C8orf88: variants seen among roughly 807,000 people sequenced by gnomAD.
C8orf88 encodes chromosome 8 open reading frame 88.
Under a neutral mutation model 18.4 loss-of-function variants are expected in C8orf88, and 14 were observed. The ratio of observed to expected loss-of-function variants is 0.76; its 90% CI spans 0.50 to 1.19. The LOEUF (loss-of-function observed/expected upper bound fraction) is 1.19. Among genes scored for constraint, C8orf88 ranks in the 50% most tolerant of loss-of-function variants. C8orf88 has a pLI of 0.00. For missense variants in C8orf88, 116 were observed against 134.7 expected (o/e 0.86, Z 0.69); for synonymous variants, 45 against 42.9 (o/e 1.05, Z -0.19).
chr8:90,972,903 A>G (rs1413223262), intron 3 of C8orf88, among the ~76,000 whole-genome samples: 1 of 151,942 alleles, frequency 6.6e-6, no homozygotes, highest in African/African-American at 2.4e-5. Context: ...GAAAACTTGT[A>G]TTTTTCTATA....
chr8:90,980,466 A>G lies in C8orf88; in HGVS notation c.-26-5T>C. ...CAAAGACTTTGAGGTTCCATACTAG[A>G]AGACAAAAAAATACATTTTTATCTT... On this transcript the variant is annotated splice_region_variant and splice_polypyrimidine_tract_variant and intron_variant, in intron 1 of 5. Transcript: ENST00000517562. 1 of 1,290,906 alleles carries G rather than the reference A, an allele frequency of 7.7e-7. No individual in the cohort carries two copies. The highest frequency in any genetic ancestry group is 1.5e-5 in the African/African-American group (1 of 66,602). 80.0% of individuals were successfully genotyped at this position (1,290,906 alleles called of 1,614,324 possible).
intron 1 of C8orf88, among the ~76,000 whole-genome samples, chr8:90,982,484 T>C (rs1276479371): frequency 6.6e-6 from 1 of 152,174 alleles, no homozygotes; most frequent in East Asian, 1.9e-4. Flanking sequence ...TTGTTTTTCA[T>C]TGCTCAGCTG....
chr8:90,977,948 A>AAAAAC (rs374693753), intron 3 of C8orf88, among the ~76,000 whole-genome samples: 2,460 of 152,184 alleles, frequency 0.016, 59 homozygotes, highest in African/African-American at 0.055. Context: ...ACTCCATCTC[A>AAAAAC]AAAACAAAAC....
intron 3 of C8orf88, among the ~76,000 whole-genome samples, chr8:90,975,085 A>G (rs899109608): frequency 2.6e-5 from 4 of 152,204 alleles, no homozygotes; most frequent in African/African-American, 9.6e-5. Context: ...GAATCAAGGG[A>G]TATGTCATGT....
At chr8:90,964,171 C>T (rs1811163940) in intron 4 of C8orf88, among the ~76,000 whole-genome samples, 2 of 151,496 alleles carry the variant, frequency 1.3e-5, no homozygotes, top group South Asian at 4.1e-4. Flanking sequence ...GGGAAGTAAT[C>T]CCACCATAAA....
At chr8:90,974,084 A>AG (rs1288590647) in intron 3 of C8orf88, among the ~76,000 whole-genome samples, 5 of 152,172 alleles carry the variant, frequency 3.3e-5, no homozygotes, top group African/African-American at 1.2e-4. Flanking sequence ...GGTAACACAG[A>AG]GGAGAGGAAA....
At chr8:90,959,102 A>G in intron 5 of C8orf88, 72 bp from the exon 6 acceptor site, 1 of 687,570 alleles carries the variant, frequency 1.5e-6, no homozygotes, top group Non-Finnish European at 2.4e-6. Context: ...TTATCAAACC[A>G]AATACTGTGA....
intron 5 of C8orf88, 33 bp downstream of exon 5, chr8:90,960,706 TATA>T (rs1811113171): frequency 8.5e-7 from 1 of 1,182,330 alleles, no homozygotes; most frequent in African/African-American, 1.5e-5. Flanking sequence ...TATTTTGTAA[TATA>T]ATATTACAAT....
chr8:90,971,333 C>T (rs1586163044), intron 3 of C8orf88, among the ~76,000 whole-genome samples, 192 bp from the exon 4 acceptor site: 1 of 151,214 alleles, frequency 6.6e-6, no homozygotes, highest in East Asian at 1.9e-4. Context: ...CATATATCTA[C>T]AGTTTTTTTG....
Position 90,958,976 on chromosome 8 carries a change from T to C in C8orf88, c.*31A>G. ...GCTAGATCCACCTCATTTGCAGATG[T>C]CCAAACTTAAATTCATCTGTTCTTA... On this transcript the variant is annotated 3_prime_UTR_variant, in exon 6 of 6. Transcript: ENST00000517562. 1 of 1,381,578 alleles carries C rather than the reference T, an allele frequency of 7.2e-7. No homozygotes were observed. Among genetic ancestry groups the C allele is most frequent in the East Asian group, 2.6e-5 (1 of 38,208 alleles). 85.6% of individuals were successfully genotyped at this position (1,381,578 alleles called of 1,614,324 possible).
intron 4 of C8orf88, among the ~76,000 whole-genome samples, chr8:90,962,654 G>A (rs1009284766): frequency 8.6e-5 from 13 of 151,574 alleles, no homozygotes; most frequent in African/African-American, 1.5e-4. Flanking sequence ...CCCAGAACTG[G>A]AGGGAGTAGT....
intron 1 of C8orf88, among the ~76,000 whole-genome samples, chr8:90,983,880 T>G (rs1811469075): frequency 6.6e-6 from 1 of 152,184 alleles, no homozygotes; most frequent in Admixed American, 6.5e-5. Flanking sequence ...TTATTACATG[T>G]GGACACTGCG....
intron 4 of C8orf88, among the ~76,000 whole-genome samples, chr8:90,964,233 T>C (rs944034194): frequency 5.9e-5 from 9 of 151,618 alleles, no homozygotes; most frequent in Non-Finnish European, 1.2e-4. Flanking sequence ...CATAGATACA[T>C]CATAATCAAT....
Position 90,960,850 on chromosome 8 carries a change from T to C in C8orf88, c.224-2A>G, listed in dbSNP as rs1285797644. 1.4e-6 allele frequency: 2 copies of C among 1,479,484 alleles called. No individual in the cohort carries two copies. The highest frequency in any genetic ancestry group is 1.4e-5 in the African/African-American group (1 of 71,800). 91.6% of individuals were successfully genotyped at this position (1,479,484 alleles called of 1,614,324 possible). On this transcript the variant is annotated splice_acceptor_variant, in intron 4 of 5. Coordinates refer to ENST00000517562, the MANE Select transcript of C8orf88 (RefSeq NM_001190972.2). LOFTEE classifies it high-confidence loss of function. The stretch of plus-strand genomic sequence containing the variant: ...AATCTCTGCTGTATTTAATTCTCTC[T>C]GTAGATATTAAACATCAAATATAAT...
chr8:90,981,752 C>T (rs73694349), intron 1 of C8orf88, among the ~76,000 whole-genome samples: 10,177 of 152,042 alleles, frequency 0.067, 860 homozygotes, highest in African/African-American at 0.19. Flanking sequence ...ACTCTATAAA[C>T]GCTAAGTACC....
intron 4 of C8orf88, among the ~76,000 whole-genome samples, chr8:90,966,089 T>C (rs957209177): frequency 2.6e-5 from 4 of 151,430 alleles, no homozygotes; most frequent in Non-Finnish European, 4.4e-5. Flanking sequence ...AATCAAAAGT[T>C]GGTTTTTTCA....
chr8:90,975,042 G>C (rs189430186), intron 3 of C8orf88, among the ~76,000 whole-genome samples: 1 of 152,210 alleles, frequency 6.6e-6, no homozygotes, highest in Admixed American at 6.5e-5. Context: ...TTTTATAAAT[G>C]ATGTTCAAAA....
At chr8:90,980,028 T>C (rs1013478606) in intron 2 of C8orf88, among the ~76,000 whole-genome samples, 2 of 152,178 alleles carry the variant, frequency 1.3e-5, no homozygotes, top group Non-Finnish European at 2.9e-5. Flanking sequence ...TCCAGCATGA[T>C]TGCCCTGCAG....
At chr8:90,960,166 T>C (rs907727012) in intron 5 of C8orf88, among the ~76,000 whole-genome samples, 1 of 151,504 alleles carries the variant, frequency 6.6e-6, no homozygotes, top group Non-Finnish European at 1.5e-5. Flanking sequence ...TGTATGTATT[T>C]ATTATGTGTA....
Sources: allele counts gnomAD v4.1 joint callset (sites outside exome capture counted in the v4.1 genomes callset), GRCh38; gene constraint gnomAD v4.1.1; transcripts MANE v1.5; gene names NCBI Gene and HGNC (gene_info 2026-07-23, HGNC 2026-07-21).